Variants in ABCC1 observed in about 807,000 individuals in gnomAD.
The protein encoded by ABCC1 is ATP binding cassette subfamily C member 1 (ABCC1 blood group).
In ABCC1, 83 loss-of-function variants were observed where a neutral mutation model predicts 172.9. The observed-to-expected ratio is 0.48, with a 90% CI of 0.40 to 0.58. The LOEUF is 0.58. Ranked by LOEUF, ABCC1 falls within the 20% of genes least tolerant of loss-of-function variation. The pLI, the probability that ABCC1 is intolerant of heterozygous loss-of-function variation, is 0.00. For synonymous variants in ABCC1, 937 were observed against 825.2 expected (o/e 1.14, Z -2.32); for missense variants, 1,817 against 2,002.7 (o/e 0.91, Z 1.77).
At chr16:16,001,830 G>GTGTC (rs1217722608) in intron 1 of ABCC1, among the ~76,000 whole-genome samples, 2 of 152,210 alleles carry the variant, frequency 1.3e-5, no homozygotes, top group Non-Finnish European at 2.9e-5. Context: ...TTGGAGGGCA[G>GTGTC]TGTCTGTCTA....
chr16:16,117,492 G>T (rs756628433), intron 23 of ABCC1, among the ~76,000 whole-genome samples: 8 of 152,086 alleles, frequency 5.3e-5, no homozygotes, highest in Non-Finnish European at 1.0e-4. Flanking sequence ...GTGCAACCTT[G>T]GATTAGAGGG....
At chr16:15,974,349 C>T (rs2046435501) in intron 1 of ABCC1, among the ~76,000 whole-genome samples, 1 of 151,750 alleles carries the variant, frequency 6.6e-6, no homozygotes. Context: ...GTGGGTTTGC[C>T]TGAGCTGGCC....
intron 1 of ABCC1, among the ~76,000 whole-genome samples, chr16:15,983,894 C>G (rs2046686398): frequency 6.6e-6 from 1 of 152,076 alleles, no homozygotes; most frequent in African/African-American, 2.4e-5. Flanking sequence ...CTTAGAGATG[C>G]CTGGGTCTGC....
chr16:16,011,818 C>A lies in ABCC1; in HGVS notation c.351+1917C>A, dbSNP rs551685045. Reference sequence around the variant, plus strand: ...CCGAGAGGCTGGGATTACAGGCATGCGCCACCACGCCCGGCTGATTTTGTA... The same window carrying A: ...CCGAGAGGCTGGGATTACAGGCATGAGCCACCACGCCCGGCTGATTTTGTA... On this transcript the variant is annotated intron_variant, in intron 3 of 30. Transcript: ENST00000399410. Among the ~76,000 whole-genome samples the A allele has an allele frequency of 6.6e-5, 10 of 151,884 alleles. No homozygotes were observed. In the South Asian group the frequency reaches 2.1e-3, roughly 32 times the overall value.
Position 16,056,306 on chromosome 16 carries a change from C to G in ABCC1, c.1677+11C>G. ...TGCACGCCCTTTCTGGTGAGTGAAGCCACATTTTTCCTGGCCCTCATTGTT... is the reference window on the plus strand; with the variant it reads ...TGCACGCCCTTTCTGGTGAGTGAAGGCACATTTTTCCTGGCCCTCATTGTT... On this transcript the variant is annotated intron_variant, in intron 12 of 30. Transcript: ENST00000399410. 1.2e-6 allele frequency: 2 copies of G among 1,613,878 alleles called. No individual in the cohort carries two copies. The highest frequency in any genetic ancestry group is 1.7e-6 in the Non-Finnish European group (2 of 1,179,830).
At chr16:15,967,152 C>A (rs1014843275) in intron 1 of ABCC1, among the ~76,000 whole-genome samples, 1 of 152,148 alleles carries the variant, frequency 6.6e-6, no homozygotes, top group African/African-American at 2.4e-5. Context: ...GAGTCACACC[C>A]TCTATATTCT....
intron 29 of ABCC1, among the ~76,000 whole-genome samples, chr16:16,138,036 T>A (rs1344906183): frequency 6.6e-6 from 1 of 151,918 alleles, no homozygotes; most frequent in Admixed American, 6.6e-5. Context: ...TTTTTGTTTT[T>A]GGAGAGATGG....
At chr16:16,078,215 C>T (rs2050661932) in intron 15 of ABCC1, among the ~76,000 whole-genome samples, 1 of 152,058 alleles carries the variant, frequency 6.6e-6, no homozygotes, top group Admixed American at 6.6e-5. Context: ...AATAAAAGCA[C>T]ATTCCATATA....
chr16:16,077,987 A>G lies in ABCC1; in HGVS notation c.1989-1365A>G, dbSNP rs527695406. ...AGCCTGGCCAATGTGGGGAAACCCCATCTGTACTAAAAATACAAAAATTAG... is the reference window on the plus strand; with the variant it reads ...AGCCTGGCCAATGTGGGGAAACCCCGTCTGTACTAAAAATACAAAAATTAG... On this transcript the variant is annotated intron_variant, in intron 15 of 30. Transcript: ENST00000399410. Among the ~76,000 whole-genome samples, 656 of 152,152 alleles carry G rather than the reference A, an allele frequency of 4.3e-3. 2 individuals are homozygous for G. Among genetic ancestry groups the G allele is most frequent in the Middle Eastern group, 0.02 (6 of 294 alleles).
intron 1 of ABCC1, among the ~76,000 whole-genome samples, chr16:15,994,227 A>G (rs2046973273): frequency 6.6e-6 from 1 of 152,130 alleles, no homozygotes; most frequent in African/African-American, 2.4e-5. Context: ...CTCAAAAAAC[A>G]AAACCAGCTG....
In ABCC1 at chr16:16,129,738, A is replaced by G. The variant is rs574861142; in HGVS notation, c.3820-2051A>G. Among the ~76,000 whole-genome samples, 16 of 151,918 alleles carry G rather than the reference A, an allele frequency of 1.1e-4. No homozygotes were observed. The East Asian group carries it at 2.9e-3, about 28-fold the overall frequency. On this transcript the variant is annotated intron_variant, in intron 26 of 30. Transcript: ENST00000399410. Reference sequence around the variant, plus strand: ...TTTTTAGTAGAGCCAGGGTTTCACCATGTTGGTCAGGCTGGTCTCAAACTC... The same window carrying G: ...TTTTTAGTAGAGCCAGGGTTTCACCGTGTTGGTCAGGCTGGTCTCAAACTC...
intron 1 of ABCC1, among the ~76,000 whole-genome samples, chr16:15,976,722 G>C (rs1251072074): frequency 6.6e-6 from 1 of 152,174 alleles, no homozygotes; most frequent in Non-Finnish European, 1.5e-5. Flanking sequence ...CCATAGTAGT[G>C]ATAATACTAT....
In ABCC1 at chr16:16,016,638, A is replaced by G. The variant is rs781379768; in HGVS notation, c.615+17A>G. On this transcript the variant is annotated intron_variant, in intron 5 of 30. Coordinates refer to ENST00000399410, the MANE Select transcript of ABCC1 (RefSeq NM_004996.4). Reference sequence around the variant, plus strand: ...CACGACCCTGTAAGTGTGACCACAGATGAGTGTGTGTGCGTGTGTGTGTGA... The same window carrying G: ...CACGACCCTGTAAGTGTGACCACAGGTGAGTGTGTGTGCGTGTGTGTGTGA... 1 of 1,614,032 alleles carries G rather than the reference A, an allele frequency of 6.2e-7. No homozygotes were observed. The highest frequency in any genetic ancestry group is 8.5e-7 in the Non-Finnish European group (1 of 1,179,970).
intron 21 of ABCC1, among the ~76,000 whole-genome samples, chr16:16,107,719 G>A (rs2052195106): frequency 6.6e-6 from 1 of 152,024 alleles, no homozygotes; most frequent in Non-Finnish European, 1.5e-5. Flanking sequence ...TTGAGCTCCT[G>A]TTTTATTGTT....
chr16:16,040,070 G>GTATC (rs1485620513), intron 7 of ABCC1, among the ~76,000 whole-genome samples: 18 of 141,434 alleles, frequency 1.3e-4, no homozygotes, highest in African/African-American at 5.5e-4. Flanking sequence ...TTGTTTGTAT[G>GTATC]TATGTATGTA....
At chr16:15,988,850 T>C (rs966287243) in intron 1 of ABCC1, among the ~76,000 whole-genome samples, 3 of 151,958 alleles carry the variant, frequency 2.0e-5, no homozygotes, top group Non-Finnish European at 4.4e-5. Context: ...GAGGATCATT[T>C]GAGCCCCAGG....
chr16:16,136,571 C>T lies in ABCC1; in HGVS notation c.4219C>T (p.His1407Tyr), dbSNP rs1305385625. 3 of 1,614,186 alleles carry T rather than the reference C, an allele frequency of 1.9e-6. No individual in the cohort carries two copies. Among genetic ancestry groups the T allele is most frequent in the Non-Finnish European group, 2.5e-6 (3 of 1,180,034 alleles). Residue 1407 changes from histidine to tyrosine, a missense_variant, in exon 29 of 31, where the codon CAC becomes TAC. Around this residue, in one of 3 missense-constraint regions of ABCC1, gnomAD observed 1,412 missense variants for 1,600.3 expected, o/e 0.88. Transcript: ENST00000399410. Reference sequence around the variant, plus strand: ...AGTCTGGACGTCCCTGGAGCTGGCCCACCTGAAGGACTTCGTGTCAGCCCT... The same window carrying T: ...AGTCTGGACGTCCCTGGAGCTGGCCTACCTGAAGGACTTCGTGTCAGCCCT... ...EEVWTSLELA[H>Y]LKDFVSALPD...
At chr16:16,133,967 A>C (rs1286997306) in intron 27 of ABCC1, among the ~76,000 whole-genome samples, 1 of 152,216 alleles carries the variant, frequency 6.6e-6, no homozygotes, top group East Asian at 1.9e-4. Context: ...TCATGATGGG[A>C]AACTCACCAT....
intron 21 of ABCC1, among the ~76,000 whole-genome samples, chr16:16,110,588 C>T (rs527904983): frequency 6.6e-6 from 1 of 152,250 alleles, no homozygotes; most frequent in South Asian, 2.1e-4. Context: ...GGGGTTTCGC[C>T]ATGTTAGTCA....
Sources: allele counts gnomAD v4.1 joint callset (sites outside exome capture counted in the v4.1 genomes callset), GRCh38; gene constraint gnomAD v4.1.1; regional missense constraint gnomAD v4.1.1; transcripts MANE v1.5; gene names NCBI Gene and HGNC (gene_info 2026-07-23, HGNC 2026-07-21).